The following RASSF5 variants were observed in gnomAD, a reference collection of about 807,000 sequenced individuals.
The protein encoded by RASSF5 is Ras association domain family member 5.
In RASSF5, 25 loss-of-function variants were observed where a neutral mutation model predicts 40.5. That is an observed-to-expected ratio of 0.62 (90% CI 0.45 to 0.86). The LOEUF (loss-of-function observed/expected upper bound fraction) is 0.86. Ranked by LOEUF, RASSF5 falls within the 40% of genes least tolerant of loss-of-function variation. The probability of loss-of-function intolerance (pLI) is 0.00; values close to 1 mark genes in which losing one functional copy is unlikely to be tolerated. For synonymous variants in RASSF5, 246 were observed against 252.4 expected, an observed-to-expected ratio of 0.97 and a Z score of 0.24; for missense variants, 521 against 572.8, an observed-to-expected ratio of 0.91 and a Z score of 0.92.
intron 1 of RASSF5, among the ~76,000 whole-genome samples, chr1:206,526,870 G>T (rs147500469): frequency 6.6e-6 from 1 of 152,162 alleles, no homozygotes; most frequent in Non-Finnish European, 1.5e-5. Context: ...ATCTCATAGC[G>T]TTGAAAATGA....
intron 2 of RASSF5, among the ~76,000 whole-genome samples, chr1:206,545,683 T>C (rs1479919973): frequency 6.6e-6 from 1 of 152,200 alleles, no homozygotes; most frequent in Non-Finnish European, 1.5e-5. Context: ...CATTATGAAA[T>C]GACCTTCTTT....
chr1:206,585,180 T>C lies in RASSF5; in HGVS notation c.989T>C (p.Val330Ala), dbSNP rs1292180361. ...LFKRIHKDGQVLFQKLSIADR... is the reference protein window; with the variant it reads ...LFKRIHKDGQALFQKLSIADR... ...CCCAGCACCCTCTCTTGGTTTGCAG[T>C]GCTCTTCCAGAAACTCTCCATTGCT... is the stretch of plus-strand genomic sequence containing the variant. Residue 330 changes from valine to alanine, a missense_variant and splice_region_variant, in exon 5 of 6, where the codon GTG becomes GCG. Physicochemically the swap from Val to Ala is moderately conservative, Grantham distance 64. This residue lies in a region of RASSF5 where 284 missense variants were observed against 360.8 expected (regional missense o/e 0.79). Coordinates refer to ENST00000579436, the MANE Select transcript of RASSF5 (RefSeq NM_182663.4). 2.5e-6 allele frequency: 4 copies of C among 1,612,540 alleles called. No homozygotes were observed. The highest frequency in any genetic ancestry group is 3.4e-6 in the Non-Finnish European group (4 of 1,178,704).
intron 1 of RASSF5, among the ~76,000 whole-genome samples, chr1:206,534,593 A>ACCCTGAAGCCCTCCCTGCCTGTT (rs1416790021): frequency 6.6e-6 from 1 of 151,968 alleles, no homozygotes; most frequent in Non-Finnish European, 1.5e-5. Context: ...AGCTGCCTGC[A>ACCCTGAAGCCCTCCCTGCCTGTT]CCCTGAAGCC....
intron 2 of RASSF5, chr1:206,557,535 T>A: frequency 1.2e-6 from 2 of 1,611,808 alleles, no homozygotes; most frequent in Non-Finnish European, 8.5e-7. Flanking sequence ...CCCGGCCCCC[T>A]TGATGCGCTG....
chr1:206,584,959 CAGG>C lies in RASSF5; in HGVS notation c.989-218_989-216del, dbSNP rs1558524941. The C allele has an allele frequency of 1.8e-5, 11 of 606,316 alleles. 1 individual carries two copies. The highest frequency in any genetic ancestry group is 1.6e-4 in the South Asian group (8 of 49,930). 37.6% of individuals were successfully genotyped at this position (606,316 alleles called of 1,614,324 possible). A position where few individuals can be genotyped will look rare whatever the true frequency, so the allele number is the denominator to read the frequency against. On this transcript the variant is annotated intron_variant, in intron 4 of 5. Transcript: ENST00000579436. The surrounding 1 kb of genome is among the most constrained non-coding windows in gnomAD (Gnocchi z 4.9). ...ATCTGCCCCACCATTCCTAATCTTT[CAGG>C]AGATGATGTGAATGGAATCATGCTT...
chr1:206,526,940 T>C (rs1667112958), intron 1 of RASSF5, among the ~76,000 whole-genome samples: 2 of 152,182 alleles, frequency 1.3e-5, no homozygotes, highest in Non-Finnish European at 2.9e-5. Flanking sequence ...TTTGCATACA[T>C]ACTCTCTAAT....
In RASSF5 at chr1:206,575,172, G is replaced by C. The variant is rs1205576926; in HGVS notation, c.580-8097G>C. Among the ~76,000 whole-genome samples the C allele has an allele frequency of 7.2e-5, 11 of 152,216 alleles. No homozygotes were observed. The South Asian group carries it at 2.1e-3, about 29-fold the overall frequency. On this transcript the variant is annotated intron_variant, in intron 2 of 5. Transcript: ENST00000579436. ...CCAGATAGATGGGTGTCTGCCCCTT[G>C]CCTGCAGACGTTCCCATCTAGGGCA...
chr1:206,564,082 G>A (rs797027014), intron 2 of RASSF5, among the ~76,000 whole-genome samples: 3 of 152,290 alleles, frequency 2.0e-5, no homozygotes, highest in South Asian at 4.1e-4. Context: ...ACTTCATCCT[G>A]TCCTTCTCAA....
intron 1 of RASSF5, among the ~76,000 whole-genome samples, chr1:206,520,864 A>C (rs1317595975): frequency 6.6e-6 from 1 of 152,184 alleles, no homozygotes; most frequent in East Asian, 1.9e-4. Flanking sequence ...TGCTCCCAGG[A>C]AGACTTTTCA....
chr1:206,570,008 C>T (rs954722746), intron 2 of RASSF5, among the ~76,000 whole-genome samples: 95 of 151,694 alleles, frequency 6.3e-4, no homozygotes, highest in African/African-American at 2.1e-3. Context: ...CAGCCAGTGA[C>T]ATGGCCTCCA....
chr1:206,545,348 T>G lies in RASSF5; in HGVS notation c.579+7055T>G, dbSNP rs969127507. Among the ~76,000 whole-genome samples the G allele has an allele frequency of 8.2e-3, 635 of 77,104 alleles. 5 individuals carry two copies. The highest frequency in any genetic ancestry group is 0.041 in the African/African-American group (496 of 12,162). 50.6% of individuals were successfully genotyped at this position (77,104 alleles called of 152,430 possible). On this transcript the variant is annotated intron_variant, in intron 2 of 5. Transcript: ENST00000579436. ...TAAACTTTTAGGAATTTCTTGTGTT[T>G]TTTTTTTTTTTTTTTTTAACAGACA...
At chr1:206,542,662 C>G (rs1373223300) in intron 2 of RASSF5, 1 of 152,246 alleles carries the variant, frequency 6.6e-6, no homozygotes, top group Non-Finnish European at 1.5e-5. Context: ...CCAGACCACA[C>G]TCAGGCACTT....
At chr1:206,523,606 TTATA>T (rs1205770851) in intron 1 of RASSF5, among the ~76,000 whole-genome samples, 1 of 91,450 alleles carries the variant, frequency 1.1e-5, no homozygotes, top group Non-Finnish European at 2.0e-5. Flanking sequence ...CATATATATT[TTATA>T]TATATATAAA....
chr1:206,580,323 T>G (rs190564775), intron 2 of RASSF5, among the ~76,000 whole-genome samples: 2 of 152,176 alleles, frequency 1.3e-5, no homozygotes, highest in Admixed American at 6.5e-5. Flanking sequence ...TGAGAGGAGA[T>G]CTTTCCGAAG....
At chr1:206,557,539 T>C in intron 2 of RASSF5, 1 of 1,612,128 alleles carries the variant, frequency 6.2e-7, no homozygotes, top group Non-Finnish European at 8.5e-7. Flanking sequence ...GCCCCCTTGA[T>C]GCGCTGGCGG....
At chr1:206,545,953 ATTTTT>A (rs369989700) in intron 2 of RASSF5, among the ~76,000 whole-genome samples, 1 of 125,124 alleles carries the variant, frequency 8.0e-6, no homozygotes, top group Non-Finnish European at 1.7e-5. Flanking sequence ...ATATAGCTAG[ATTTTT>A]TTTTTTTTTT....
At chr1:206,582,729 CTA>C (rs1668943128) in intron 2 of RASSF5, among the ~76,000 whole-genome samples, 2 of 152,198 alleles carry the variant, frequency 1.3e-5, no homozygotes, top group South Asian at 4.1e-4. Context: ...GGACTGGTCT[CTA>C]TGTGTCCTTG....
chr1:206,549,081 G>C (rs1667770688), intron 2 of RASSF5, among the ~76,000 whole-genome samples: 1 of 150,618 alleles, frequency 6.6e-6, no homozygotes, highest in Non-Finnish European at 1.5e-5. Flanking sequence ...GGCCAGGCTG[G>C]TCTCGAACTC....
intron 2 of RASSF5, among the ~76,000 whole-genome samples, chr1:206,551,898 C>T (rs1553401080): frequency 6.6e-6 from 1 of 152,240 alleles, no homozygotes; most frequent in Admixed American, 6.5e-5. Context: ...AGGATTGGCC[C>T]TGCCCAGAGA....
Sources: allele counts gnomAD v4.1 joint callset (sites outside exome capture counted in the v4.1 genomes callset), GRCh38; gene constraint gnomAD v4.1.1; regional missense constraint gnomAD v4.1.1; non-coding constraint Gnocchi (gnomAD v3.1); transcripts MANE v1.5; gene names NCBI Gene and HGNC (gene_info 2026-07-23, HGNC 2026-07-21).